The following ATXN2L variants were observed in gnomAD, a reference collection of about 807,000 sequenced individuals.
The protein encoded by ATXN2L is ataxin-2-like protein.
Under a neutral mutation model 120.7 loss-of-function variants are expected in ATXN2L, and 24 were observed. That is an observed-to-expected ratio of 0.20 (90% CI 0.14 to 0.28). The LOEUF (loss-of-function observed/expected upper bound fraction) is 0.28. ATXN2L is among the 10% of genes least tolerant of loss of function. The probability of loss-of-function intolerance (pLI) is 1.00; values close to 1 mark genes in which losing one functional copy is unlikely to be tolerated. For synonymous variants in ATXN2L, 653 were observed against 568.1 expected, an observed-to-expected ratio of 1.15 and a Z score of -2.13; for missense variants, 1,312 against 1,432.3, an observed-to-expected ratio of 0.92 and a Z score of 1.36.
chr16:28,829,914 C>T lies in ATXN2L; in HGVS notation c.890C>T (p.Ala297Val), dbSNP rs2053715148. Residue 297 changes from alanine (A) to valine (V), a missense_variant, in exon 8 of 22, where the codon GCC becomes GTC. Coordinates refer to ENST00000336783, the MANE Select transcript of ATXN2L (RefSeq NM_007245.4). ...EEFRQRELRA[A>V]QLAREIESSP... ...TTTCGTCAGCGAGAGCTGCGTGCGG[C>T]CCAGTTGGCTCGAGAGATTGAATCA... The T allele has an allele frequency of 6.2e-7, 1 of 1,614,216 alleles. No individual in the cohort carries two copies.
intron 10 of ATXN2L, 139 bp downstream of exon 10, chr16:28,831,211 G>A: frequency 1.4e-6 from 1 of 690,298 alleles, no homozygotes; most frequent in Admixed American, 3.2e-5. Flanking sequence ...GTCATATTGG[G>A]AAATAGTTCT....
In ATXN2L at chr16:28,823,119, C is replaced by T; in HGVS notation, c.-141C>T. On this transcript the variant is annotated 5_prime_UTR_variant, in exon 1 of 22. Transcript: ENST00000336783. ...CGCGGTCTTCTCTCTCCACCCCCGA[C>T]ACCGCGGGGCTCCCCCCGCCCGCCC... The T allele has an allele frequency of 2.4e-6, 1 of 415,564 alleles. No homozygotes were observed. Among genetic ancestry groups the T allele is most frequent in the Non-Finnish European group, 4.1e-6 (1 of 245,876 alleles). The allele number at this position is 415,564 out of a possible 1,614,324, so 25.7% of individuals were successfully genotyped here.
In ATXN2L at chr16:28,825,879, GAGT is replaced by G. The variant is rs754649679; in HGVS notation, c.465+41_465+43del. Reference sequence around the variant, plus strand: ...AAATTTAATTATTTTTGGAGTTGCAGAGTAGGAGGAGAATGAAATAGGCTCATT... The same window carrying G: ...AAATTTAATTATTTTTGGAGTTGCAGAGGAGGAGAATGAAATAGGCTCATT... On this transcript the variant is annotated intron_variant, in intron 4 of 21. Transcript: ENST00000336783. 1.9e-4 allele frequency: 291 copies of G among 1,559,876 alleles called. 1 individual carries two copies. The highest frequency in any genetic ancestry group is 1.7e-3 in the Admixed American group (104 of 59,858).
rs1961155475 is a variant in ATXN2L, at chr16:28,836,875, C to A, written c.*610C>A. ...CTCGGACCACTCCCAGCCCCCCATC[C>A]CCCCGTTCCCCAGGGGAGCTGGGGA... is the stretch of plus-strand genomic sequence containing the variant. On this transcript the variant is annotated 3_prime_UTR_variant, in exon 22 of 22. Coordinates refer to ENST00000336783, the MANE Select transcript of ATXN2L (RefSeq NM_007245.4). 6 of 1,297,822 alleles carry A rather than the reference C, an allele frequency of 4.6e-6. No individual in the cohort carries two copies. The highest frequency in any genetic ancestry group is 6.5e-6 in the Non-Finnish European group (6 of 917,198). 80.4% of individuals were successfully genotyped at this position (1,297,822 alleles called of 1,614,324 possible).
At chr16:28,832,431 C>G in intron 11 of ATXN2L, 32 bp downstream of exon 11, 1 of 1,611,570 alleles carries the variant, frequency 6.2e-7, no homozygotes, top group Non-Finnish European at 8.5e-7. Flanking sequence ...GCTGTGAATG[C>G]ATATTTAGTG....
intron 6 of ATXN2L, among the ~76,000 whole-genome samples, chr16:28,827,419 G>A (rs530734955): frequency 1.3e-5 from 2 of 152,070 alleles, no homozygotes; most frequent in East Asian, 3.9e-4. Flanking sequence ...TGGGTGGACC[G>A]TGTCACACGC....
rs376615656 is a variant in ATXN2L, at chr16:28,835,044, C to G, written c.2434-14C>G. 14 of 1,604,314 alleles carry G rather than the reference C, an allele frequency of 8.7e-6. No homozygotes were observed. In the Admixed American group the frequency reaches 1.3e-4, roughly 15 times the overall value. ...TGGCGGCTGTGCCAACCACTCCTCT[C>G]TCTGTCCCGCCAGCCGGTGTTTGCC... On this transcript the variant is annotated splice_polypyrimidine_tract_variant and intron_variant, in intron 18 of 21. Coordinates refer to ENST00000336783, the MANE Select transcript of ATXN2L (RefSeq NM_007245.4).
At chr16:28,827,750 A>G (rs561953361) in intron 6 of ATXN2L, among the ~76,000 whole-genome samples, 45 of 152,050 alleles carry the variant, frequency 3.0e-4, no homozygotes, top group Non-Finnish European at 1.0e-4. Context: ...AAAATAAATA[A>G]AAACCGCTCA....
rs754417128 is a variant in ATXN2L at position 28,836,214 on chromosome 16, A to T, written c.3177A>T (p.Arg1059Ser). Residue 1059 changes from arginine (R) to serine (S), a missense_variant, in exon 22 of 22, where the codon AGA becomes AGT. By Grantham distance (110) the Arg-to-Ser change is moderately radical (BLOSUM62 -1). Transcript: ENST00000336783. The part of the protein sequence containing the change: ...FSLAGGIWHG[R>S]AEGLQVGQDA... The stretch of plus-strand genomic sequence containing the variant: ...TAGCTGGGGGAATTTGGCATGGAAG[A>T]GCTGAGGGGCTGCAGGTGGGGCAGG... 5.6e-6 allele frequency: 9 copies of T among 1,613,626 alleles called. No homozygotes were observed. The highest frequency in any genetic ancestry group is 5.9e-6 in the Non-Finnish European group (7 of 1,179,846).
rs1358131902 is a variant in ATXN2L at position 28,836,517 on chromosome 16, G to T, written c.*252G>T. On this transcript the variant is annotated 3_prime_UTR_variant, in exon 22 of 22. Transcript: ENST00000336783. Reference sequence around the variant, plus strand: ...TCAGTGCAGCAGACAGGGCCAGACTGGGGTGTGGGGGGCTGAGCTGGGCAC... The same window carrying T: ...TCAGTGCAGCAGACAGGGCCAGACTTGGGTGTGGGGGGCTGAGCTGGGCAC... 4.4e-6 allele frequency: 7 copies of T among 1,596,940 alleles called. No individual in the cohort carries two copies. The highest frequency in any genetic ancestry group is 6.0e-6 in the Non-Finnish European group (7 of 1,172,536).
intron 7 of ATXN2L, 54 bp downstream of exon 7, chr16:28,829,546 T>A: frequency 7.6e-7 from 1 of 1,311,208 alleles, no homozygotes; most frequent in Non-Finnish European, 1.1e-6. Flanking sequence ...GGTCACTAAG[T>A]GAAGACAGGT....
intron 12 of ATXN2L, 54 bp from the exon 13 acceptor site, chr16:28,832,763 C>T (rs2054994659): frequency 5.7e-6 from 9 of 1,580,456 alleles, no homozygotes; most frequent in Non-Finnish European, 7.0e-6. Flanking sequence ...ACTGTGTAGC[C>T]ACCTTAGAGA....
At chr16:28,830,560 C>T in intron 8 of ATXN2L, 55 bp from the exon 9 acceptor site, 5 of 1,492,048 alleles carry the variant, frequency 3.4e-6, no homozygotes, top group Non-Finnish European at 4.5e-6. Flanking sequence ...ATGGCTTCAT[C>T]TTTCCAAAAC....
At chr16:28,823,814 CG>C (rs921336127) in intron 1 of ATXN2L, 3 of 382,046 alleles carry the variant, frequency 7.9e-6, no homozygotes, top group African/African-American at 6.3e-5. Context: ...TCAGGGGAGG[CG>C]GGGCGCATCC....
In ATXN2L at chr16:28,833,013, A is replaced by T. The variant is rs201779684; in HGVS notation, c.1660-46A>T. On this transcript the variant is annotated intron_variant, in intron 13 of 21. Transcript: ENST00000336783. Reference sequence around the variant, plus strand: ...AAAAGGATGAAAGAAGAAAGCCAGGACTAGGGTCTGGGTCAGACTGGACTG... The same window carrying T: ...AAAAGGATGAAAGAAGAAAGCCAGGTCTAGGGTCTGGGTCAGACTGGACTG... 2.1e-5 allele frequency: 34 copies of T among 1,600,544 alleles called. No homozygotes were observed. The Admixed American group carries it at 4.1e-4, about 19-fold the overall frequency.
In ATXN2L at chr16:28,832,219, C is replaced by A. The variant is rs1340850948; in HGVS notation, c.1336C>A (p.Pro446Thr). The part of the protein sequence containing the change: ...PPPPAVGRMY[P>T]PRSPKSAAPA... Reference sequence around the variant, plus strand: ...TTTTCTTCCAGTGGGCCGGATGTATCCCCCGCGTTCTCCCAAGTCTGCTGC... The same window carrying A: ...TTTTCTTCCAGTGGGCCGGATGTATACCCCGCGTTCTCCCAAGTCTGCTGC... The change falls in exon 11 of 22, where the codon CCC becomes ACC. Residue 446 changes from proline (P) to threonine (T), a missense_variant. Coordinates refer to ENST00000336783, the MANE Select transcript of ATXN2L (RefSeq NM_007245.4). The A allele has an allele frequency of 1.9e-6, 3 of 1,613,966 alleles. No individual in the cohort carries two copies. Among genetic ancestry groups the A allele is most frequent in the East Asian group, 4.5e-5 (2 of 44,902 alleles).
At chr16:28,830,238 T>C (rs1484039627) in intron 8 of ATXN2L, among the ~76,000 whole-genome samples, 180 bp downstream of exon 8, 1 of 152,170 alleles carries the variant, frequency 6.6e-6, no homozygotes, top group African/African-American at 2.4e-5. Flanking sequence ...AGCTGGAGCT[T>C]GTAGATCTAA....
rs1371400197 is a variant in ATXN2L at position 28,834,523 on chromosome 16, C to T, written c.2263C>T (p.Arg755Cys). ...RGAKGSLPPQRSDQHQPASAP... is the reference protein window; with the variant it reads ...RGAKGSLPPQCSDQHQPASAP... ...TCTTCCAGGCTCCCTTCCTCCGCAG[C>T]GCTCGGACCAACACCAGCCAGCCTC... Residue 755 changes from arginine to cysteine, a missense_variant, in exon 18 of 22, where the codon CGC becomes TGC. Transcript: ENST00000336783. 6 of 1,610,534 alleles carry T rather than the reference C, an allele frequency of 3.7e-6. No individual in the cohort carries two copies. Among genetic ancestry groups the T allele is most frequent in the African/African-American group, 1.3e-5 (1 of 74,926 alleles).
rs1452166039 is a variant in ATXN2L, at chr16:28,835,647, G to A, written c.2784G>A (p.Pro928=). 2.5e-6 allele frequency: 4 copies of A among 1,613,804 alleles called. No homozygotes were observed. The highest frequency in any genetic ancestry group is 3.4e-6 in the Non-Finnish European group (4 of 1,179,972). Residue 928 remains proline (P), a synonymous_variant, in exon 21 of 22, where the codon CCG becomes CCA. Transcript: ENST00000336783. ...CAGGCACGCCGCCCTCTCTGCCACC[G>A]GGACCTTCTGCCCAGTCCCCTCAGA... The part of the protein sequence containing the change: ...ALTGTPPSLP[P]GPSAQSPQSS...
Sources: allele counts gnomAD v4.1 joint callset (sites outside exome capture counted in the v4.1 genomes callset), GRCh38; gene constraint gnomAD v4.1.1; transcripts MANE v1.5; gene names NCBI Gene and HGNC (gene_info 2026-07-23, HGNC 2026-07-21).